Variants in DCC observed in about 807,000 individuals in gnomAD.
DCC encodes DCC netrin 1 receptor.
A neutral mutation model predicts 172.5 loss-of-function variants in DCC; 58 were observed. The observed-to-expected ratio is 0.34, with a 90% CI of 0.27 to 0.42. The LOEUF is 0.42. Among genes scored for constraint, DCC ranks in the 10% least tolerant of loss-of-function variants. The pLI, the probability that DCC is intolerant of heterozygous loss-of-function variation, is 1.00. For missense variants in DCC, 1,740 were observed against 1,791.0 expected (o/e 0.97, Z 0.51); for synonymous variants, 709 against 644.5 (o/e 1.10, Z -1.52).
chr18:53,301,470 T>A (rs897452532), intron 12 of DCC, among the ~76,000 whole-genome samples: 2 of 152,184 alleles, frequency 1.3e-5, no homozygotes, highest in African/African-American at 4.8e-5. Flanking sequence ...TCTGTGTGCT[T>A]ATTTTAAAAC....
At chr18:53,147,496 C>T (rs1005073063) in intron 7 of DCC, among the ~76,000 whole-genome samples, 1 of 152,158 alleles carries the variant, frequency 6.6e-6, no homozygotes, top group African/African-American at 2.4e-5. Flanking sequence ...TAGTTTTATA[C>T]CCTCTTTTAT....
intron 7 of DCC, among the ~76,000 whole-genome samples, chr18:53,106,995 A>T (rs1208020163): frequency 6.6e-6 from 1 of 151,930 alleles, no homozygotes; most frequent in Non-Finnish European, 1.5e-5. Context: ...AGACATAGGG[A>T]CATCAGGACA....
At chr18:53,065,528 C>T (rs1267555166) in intron 6 of DCC, among the ~76,000 whole-genome samples, 1 of 152,130 alleles carries the variant, frequency 6.6e-6, no homozygotes, top group Non-Finnish European at 1.5e-5. Context: ...GCTTATATGT[C>T]AAAGCCATCA....
chr18:52,812,316 T>C (rs1225268307), intron 2 of DCC, among the ~76,000 whole-genome samples: 3 of 152,082 alleles, frequency 2.0e-5, no homozygotes, highest in African/African-American at 7.2e-5. Flanking sequence ...CAATGATCAA[T>C]GTCTATGCCT....
At chr18:52,468,560 G>T (rs1481504127) in intron 1 of DCC, among the ~76,000 whole-genome samples, 2 of 152,096 alleles carry the variant, frequency 1.3e-5, no homozygotes, top group Non-Finnish European at 2.9e-5. Context: ...TTTTCTTAAT[G>T]GCCAATTTGA....
chr18:53,455,106 A>G (rs1362392277), intron 23 of DCC, among the ~76,000 whole-genome samples: 1 of 152,166 alleles, frequency 6.6e-6, no homozygotes, highest in Non-Finnish European at 1.5e-5. Context: ...TTAACTTGTA[A>G]TTATTTATTC....
intron 1 of DCC, among the ~76,000 whole-genome samples, chr18:52,678,226 T>C (rs1336146466): frequency 6.6e-6 from 1 of 152,098 alleles, no homozygotes; most frequent in Non-Finnish European, 1.5e-5. Context: ...AGGTTAACGT[T>C]AAGAAACACA....
intron 26 of DCC, among the ~76,000 whole-genome samples, chr18:53,492,334 C>T (rs2045968477): frequency 6.6e-6 from 1 of 152,056 alleles, no homozygotes. Flanking sequence ...TCAGTTTTGG[C>T]TTTTGTTGTC....
At chr18:52,819,359 GT>G (rs1484807958) in intron 2 of DCC, among the ~76,000 whole-genome samples, 1 of 152,114 alleles carries the variant, frequency 6.6e-6, no homozygotes, top group Non-Finnish European at 1.5e-5. Context: ...GTGCCTAAAA[GT>G]TTTTCTTAAA....
chr18:52,817,443 A>G (rs1056583538), intron 2 of DCC, among the ~76,000 whole-genome samples: 4 of 152,166 alleles, frequency 2.6e-5, no homozygotes, highest in African/African-American at 4.8e-5. Context: ...TTAATTATAA[A>G]ATTATAAATG....
At chr18:53,101,324 A>C (rs539614088) in intron 7 of DCC, among the ~76,000 whole-genome samples, 1 of 152,200 alleles carries the variant, frequency 6.6e-6, no homozygotes, top group East Asian at 1.9e-4. Context: ...AGCAAGTCAG[A>C]GATGAGTAGG....
chr18:53,505,989 GCTTTATA>G (rs1222947366), intron 27 of DCC, among the ~76,000 whole-genome samples: 1 of 152,158 alleles, frequency 6.6e-6, no homozygotes, highest in African/African-American at 2.4e-5. Flanking sequence ...TAAGGCTTAT[GCTTTATA>G]CTTTGTCACC....
chr18:52,843,062 T>A (rs1370602903), intron 2 of DCC, among the ~76,000 whole-genome samples: 2 of 152,130 alleles, frequency 1.3e-5, no homozygotes, highest in Non-Finnish European at 1.5e-5. Flanking sequence ...AGGTCAGGAT[T>A]TGAGTTATAA....
In DCC at chr18:53,339,721, G is replaced by A. The variant is rs755427246; in HGVS notation, c.2173G>A (p.Val725Ile). The change falls in exon 15 of 29, where the codon GTT becomes ATT. Residue 725 changes from valine to isoleucine, a missense_variant. Val to Ile is a conservative substitution (Grantham distance 29). Transcript: ENST00000442544. ...CTCTTTTTGAATGCTAGAATCTCAA[G>A]TTCCTGATCAACCAAGCTCTCTTCA... ...TPENDLDESQ[V>I]PDQPSSLHVR... 1.2e-6 allele frequency: 2 copies of A among 1,613,848 alleles called. No individual in the cohort carries two copies. The highest frequency in any genetic ancestry group is 8.5e-7 in the Non-Finnish European group (1 of 1,179,844).
At chr18:52,599,526 A>ATTATT (rs59180152) in intron 1 of DCC, among the ~76,000 whole-genome samples, 59,761 of 149,842 alleles carry the variant, frequency 0.4, 12,149 homozygotes, top group African/African-American at 0.47. Flanking sequence ...TTATAAATAT[A>ATTATT]TTATTTTATT....
At chr18:53,054,010 G>A (rs1025092397) in intron 5 of DCC, among the ~76,000 whole-genome samples, 14 of 152,030 alleles carry the variant, frequency 9.2e-5, no homozygotes, top group African/African-American at 3.4e-4. Context: ...GTGGGGGATA[G>A]GATCTAGGTC....
chr18:53,256,992 C>G (rs1383567513), intron 12 of DCC, among the ~76,000 whole-genome samples: 1 of 152,156 alleles, frequency 6.6e-6, no homozygotes, highest in Non-Finnish European at 1.5e-5. Flanking sequence ...TGGGAATTCA[C>G]TCATGATTTG....
chr18:52,916,544 T>C (rs1273536358), intron 3 of DCC, among the ~76,000 whole-genome samples: 1 of 152,104 alleles, frequency 6.6e-6, no homozygotes, highest in East Asian at 1.9e-4. Context: ...AATGTACCAA[T>C]CCAAATAACC....
rs192613902 is a variant in DCC, at chr18:52,540,562, T to A, written c.91+199684T>A. Among the ~76,000 whole-genome samples, 238 of 151,788 alleles carry A rather than the reference T, an allele frequency of 1.6e-3. 2 individuals are homozygous for A. Among genetic ancestry groups the A allele is most frequent in the African/African-American group, 4.8e-3 (199 of 41,390 alleles). ...AGTTACTGTTATTTCTCGAAATAAA[T>A]GTGTTATTCACTACCGTTAGGTGTA... On this transcript the variant is annotated intron_variant, in intron 1 of 28. Transcript: ENST00000442544.
Sources: allele counts gnomAD v4.1 joint callset (sites outside exome capture counted in the v4.1 genomes callset), GRCh38; gene constraint gnomAD v4.1.1; transcripts MANE v1.5; gene names NCBI Gene and HGNC (gene_info 2026-07-23, HGNC 2026-07-21).